LRP1B: variants seen among roughly 807,000 people sequenced by gnomAD.
LRP1B encodes the protein low-density lipoprotein receptor-related protein 1B.
In LRP1B, 217 loss-of-function variants were observed where a neutral mutation model predicts 556.6. That is an observed-to-expected ratio of 0.39 (90% CI 0.35 to 0.44). The LOEUF (loss-of-function observed/expected upper bound fraction) is 0.44. Ranked by LOEUF, LRP1B falls within the 20% of genes least tolerant of loss-of-function variation. The pLI is 1.00. For synonymous variants in LRP1B, 2,047 were observed against 1,865.8 expected, an observed-to-expected ratio of 1.10 and a Z score of -2.50; for missense variants, 5,053 against 5,620.8, an observed-to-expected ratio of 0.90 and a Z score of 3.23.
At chr2:140,579,626 G>A (rs981442411) in intron 43 of LRP1B, among the ~76,000 whole-genome samples, 3 of 152,132 alleles carry the variant, frequency 2.0e-5, no homozygotes, top group Non-Finnish European at 4.4e-5. Context: ...CAGATCACCT[G>A]AGGTCAGGAG....
At chr2:141,423,037 A>G (rs1467437155) in intron 3 of LRP1B, among the ~76,000 whole-genome samples, 1 of 152,236 alleles carries the variant, frequency 6.6e-6, no homozygotes, top group Non-Finnish European at 1.5e-5. Flanking sequence ...AGGAAATACG[A>G]AAGTGGGAAA....
chr2:141,247,360 A>G lies in LRP1B; in HGVS notation c.464-6T>C. 1 of 1,613,132 alleles carries G rather than the reference A, an allele frequency of 6.2e-7. No homozygotes were observed. The highest frequency in any genetic ancestry group is 8.5e-7 in the Non-Finnish European group (1 of 1,179,438). On this transcript the variant is annotated splice_polypyrimidine_tract_variant and splice_region_variant and intron_variant, in intron 4 of 90. Coordinates refer to ENST00000389484, the MANE Select transcript of LRP1B (RefSeq NM_018557.3). ...AACAGCACATTCATCTTGATCTAAA[A>G]AGGAAAATTGGCATCATTTCTAAGC...
chr2:140,645,589 G>C (rs185152513), intron 41 of LRP1B, among the ~76,000 whole-genome samples: 1,642 of 138,750 alleles, frequency 0.012, 30 homozygotes, highest in African/African-American at 0.04. Context: ...GCCCAGGCTG[G>C]AGTGCAGTGA....
At chr2:141,971,576 A>AT (rs2105076037) in intron 1 of LRP1B, among the ~76,000 whole-genome samples, 1 of 151,198 alleles carries the variant, frequency 6.6e-6, no homozygotes, top group East Asian at 1.9e-4. Context: ...ATCCAGAGGG[A>AT]TTTTGTCGAT....
chr2:140,779,258 G>T (rs1370095905), intron 32 of LRP1B, among the ~76,000 whole-genome samples: 1 of 152,116 alleles, frequency 6.6e-6, no homozygotes, highest in Non-Finnish European at 1.5e-5. Flanking sequence ...CACTTACAAA[G>T]AATTACCCAG....
intron 1 of LRP1B, among the ~76,000 whole-genome samples, chr2:141,869,389 GGAT>G (rs150705635): frequency 0.021 from 3,267 of 151,988 alleles, 95 homozygotes; most frequent in South Asian, 0.063. Flanking sequence ...TTCAGAATAA[GGAT>G]GATAATATTA....
rs565763382 is a variant in LRP1B, at chr2:141,645,557, C to T, written c.205+164722G>A. The stretch of plus-strand genomic sequence containing the variant: ...TTCCATTTCTCCAAAGGTAGGCTTA[C>T]TGTTTTAAGAATCTCATATTTAAAA... On this transcript the variant is annotated intron_variant, in intron 2 of 90. Coordinates refer to ENST00000389484, the MANE Select transcript of LRP1B (RefSeq NM_018557.3). Among the ~76,000 whole-genome samples the T allele has an allele frequency of 3.1e-4, 42 of 137,542 alleles. 2 individuals carry two copies. The South Asian group carries it at 9.9e-3, about 32-fold the overall frequency. The allele number at this position is 137,542 out of a possible 152,430, so 90.2% of individuals were successfully genotyped here. A position where few individuals can be genotyped will look rare whatever the true frequency, so the allele number is the denominator to read the frequency against.
chr2:141,875,331 A>G (rs1182736200), intron 1 of LRP1B, among the ~76,000 whole-genome samples: 7 of 151,846 alleles, frequency 4.6e-5, no homozygotes, highest in African/African-American at 1.2e-4. Flanking sequence ...TTTATCATAT[A>G]TATTTTTGAC....
In LRP1B at chr2:140,444,387, T is replaced by G; in HGVS notation, c.10237A>C (p.Asn3413His). 1 of 1,613,860 alleles carries G rather than the reference T, an allele frequency of 6.2e-7. No homozygotes were observed. Among genetic ancestry groups the G allele is most frequent in the Non-Finnish European group, 8.5e-7 (1 of 1,179,820 alleles). Residue 3413 changes from asparagine to histidine, a missense_variant, in exon 65 of 91, where the codon AAC becomes CAC. Physicochemically the swap from Asn to His is moderately conservative, Grantham distance 68 (BLOSUM62 1). This residue lies in a region of LRP1B where 262 missense variants were observed against 395.1 expected (regional missense o/e 0.66). Coordinates refer to ENST00000389484, the MANE Select transcript of LRP1B (RefSeq NM_018557.3). ...TCATCTTGCCCATTACATCTTAAGT[T>G]TACTGGGATACATTTCTGGTTCTTG... ...CTKNQKCIPV[N>H]LRCNGQDDCG...
chr2:141,255,763 T>A (rs1371512106), intron 3 of LRP1B, among the ~76,000 whole-genome samples: 2 of 151,840 alleles, frequency 1.3e-5, no homozygotes, highest in South Asian at 4.1e-4. Context: ...CACATCTGCG[T>A]ATACTGCTTC....
At chr2:141,084,775 G>T (rs573225045) in intron 7 of LRP1B, among the ~76,000 whole-genome samples, 212 of 151,570 alleles carry the variant, frequency 1.4e-3, no homozygotes, top group African/African-American at 5.1e-3. Context: ...TCAGCCTCCT[G>T]AGTAGCTGGG....
chr2:141,824,149 CT>C (rs1398720040), intron 1 of LRP1B, among the ~76,000 whole-genome samples: 1 of 152,024 alleles, frequency 6.6e-6, no homozygotes, highest in Non-Finnish European at 1.5e-5. Context: ...TTGAAAATAA[CT>C]TTTTGTGGGA....
intron 41 of LRP1B, among the ~76,000 whole-genome samples, chr2:140,634,929 A>G (rs1279459545): frequency 1.3e-5 from 2 of 152,156 alleles, no homozygotes. Flanking sequence ...TAAAAATTAA[A>G]GAAATCAAAG....
At chr2:141,859,647 T>C (rs1384363839) in intron 1 of LRP1B, among the ~76,000 whole-genome samples, 1 of 152,180 alleles carries the variant, frequency 6.6e-6, no homozygotes, top group Non-Finnish European at 1.5e-5. Context: ...AAGAAAGAAT[T>C]TTGACTGCTC....
chr2:142,073,819 C>G (rs540150198), intron 1 of LRP1B, among the ~76,000 whole-genome samples: 10 of 151,832 alleles, frequency 6.6e-5, no homozygotes, highest in African/African-American at 2.2e-4. Flanking sequence ...GTGTGTGCCA[C>G]CTCCTTCCTC....
intron 2 of LRP1B, among the ~76,000 whole-genome samples, chr2:141,726,237 A>T (rs977577609): frequency 6.6e-6 from 1 of 151,380 alleles, no homozygotes; most frequent in African/African-American, 2.4e-5. Flanking sequence ...CATCATAAAA[A>T]ATTTATAAAC....
At chr2:141,472,564 A>ATCAAC (rs1308006366) in intron 3 of LRP1B, among the ~76,000 whole-genome samples, 4 of 152,098 alleles carry the variant, frequency 2.6e-5, no homozygotes, top group African/African-American at 7.2e-5. Flanking sequence ...ATCAAATCAA[A>ATCAAC]TCAAAATTAA....
At chr2:142,083,287 G>C (rs1705789740) in intron 1 of LRP1B, among the ~76,000 whole-genome samples, 1 of 152,130 alleles carries the variant, frequency 6.6e-6, no homozygotes, top group Non-Finnish European at 1.5e-5. Flanking sequence ...CTAGTCCATT[G>C]GTTTTCCTGG....
chr2:140,798,299 A>G (rs1690387371), intron 32 of LRP1B, among the ~76,000 whole-genome samples: 1 of 152,192 alleles, frequency 6.6e-6, no homozygotes, highest in African/African-American at 2.4e-5. Flanking sequence ...GTATTATAAC[A>G]GTACATAAAT....
Sources: gnomAD v4.1 joint callset for allele counts (sites outside exome capture counted in the v4.1 genomes callset) on GRCh38, gnomAD v4.1.1 for gene constraint, gnomAD v4.1.1 regional missense constraint, MANE v1.5 for transcripts, NCBI Gene and HGNC (gene_info 2026-07-23, HGNC 2026-07-21) for gene names.